The following MTFR1L variants were observed in gnomAD, a reference collection of about 807,000 sequenced individuals.
MTFR1L encodes the protein mitochondrial fission regulator 1 like, also known as mitochondrial fission regulator 1-like.
Under a neutral mutation model 27.9 loss-of-function variants are expected in MTFR1L, and 10 were observed. That is an observed-to-expected ratio of 0.36 (90% CI 0.22 to 0.61). MTFR1L has a LOEUF of 0.61. Ranked by LOEUF, MTFR1L falls within the 20% of genes least tolerant of loss-of-function variation. The pLI, the probability that MTFR1L is intolerant of heterozygous loss-of-function variation, is 0.73. For missense variants in MTFR1L, 315 were observed against 363.7 expected, an observed-to-expected ratio of 0.87 and a Z score of 1.09; for synonymous variants, 151 against 139.4, an observed-to-expected ratio of 1.08 and a Z score of -0.58.
chr1:25,828,845 C>T (rs1302001360), intron 5 of MTFR1L, among the ~76,000 whole-genome samples: 1 of 152,136 alleles, frequency 6.6e-6, no homozygotes, highest in Non-Finnish European at 1.5e-5. Context: ...TTGAAATCTT[C>T]ATGTATTTAA....
At chr1:25,830,411 T>C (rs1811819) in intron 6 of MTFR1L, among the ~76,000 whole-genome samples, 109,353 of 152,194 alleles carry the variant, frequency 0.72, 40,836 homozygotes, top group East Asian at 0.97. Context: ...CTTACTAAAG[T>C]AGAACCCCAA....
intron 1 of MTFR1L, among the ~76,000 whole-genome samples, chr1:25,821,263 C>G (rs879746749): frequency 6.6e-5 from 10 of 152,184 alleles, no homozygotes; most frequent in African/African-American, 1.7e-4. Context: ...CCGGCTGGGT[C>G]TTTGGAGGTA....
At chr1:25,827,366 C>T (rs981931372) in intron 5 of MTFR1L, among the ~76,000 whole-genome samples, 1 of 151,980 alleles carries the variant, frequency 6.6e-6, no homozygotes, top group African/African-American at 2.4e-5. Flanking sequence ...GTATTCCTGA[C>T]CTCAGATGAC....
chr1:25,826,276 T>G lies in MTFR1L; in HGVS notation c.130-26T>G. ...ATTGGCTCATCATGGCATCTGTAAA[T>G]GTTGATGACTTTTGCTTCTCCATAG... On this transcript the variant is annotated intron_variant, in intron 3 of 6. Coordinates refer to ENST00000374303, the MANE Select transcript of MTFR1L (RefSeq NM_001099625.2). The surrounding 1 kb of genome is among the most constrained non-coding windows in gnomAD (Gnocchi z 4.1). The G allele has an allele frequency of 6.2e-7, 1 of 1,600,856 alleles. No homozygotes were observed. The highest frequency in any genetic ancestry group is 8.6e-7 in the Non-Finnish European group (1 of 1,168,350).
intron 3 of MTFR1L, among the ~76,000 whole-genome samples, chr1:25,824,609 G>A (rs1279991472): frequency 6.6e-6 from 1 of 152,170 alleles, no homozygotes; most frequent in Admixed American, 6.5e-5. Context: ...ACTGGATCTG[G>A]AATTAGAAGA....
rs892924092 is a variant in MTFR1L at position 25,822,777 on chromosome 1, C to T, written c.-86-242C>T. On this transcript the variant is annotated intron_variant, in intron 1 of 6. Transcript: ENST00000374303. ...TCCTGACCTCGTGATCCGCCCACCT[C>T]GGCCTCCCAAAGTGCTGGGATTACA... 1.9e-4 allele frequency: 112 copies of T among 586,250 alleles called. 3 individuals carry two copies. The highest frequency in any genetic ancestry group is 9.5e-4 in the African/African-American group (50 of 52,516). 36.3% of individuals were successfully genotyped at this position (586,250 alleles called of 1,614,324 possible). A position where few individuals can be genotyped will look rare whatever the true frequency, so the allele number is the denominator to read the frequency against.
chr1:25,823,007 G>T lies in MTFR1L; in HGVS notation c.-86-12G>T. 1 of 1,609,140 alleles carries T rather than the reference G, an allele frequency of 6.2e-7. No homozygotes were observed. On this transcript the variant is annotated splice_polypyrimidine_tract_variant and intron_variant, in intron 1 of 6. Transcript: ENST00000374303. The stretch of plus-strand genomic sequence containing the variant: ...GGTTGTTTCACAAGAGGGAAATCTG[G>T]TGCTCCTCCAGATGGCCTGATATGA...
At chr1:25,829,373 TACCATCC>T in intron 5 of MTFR1L, 129 bp from the exon 6 acceptor site, 1 of 783,830 alleles carries the variant, frequency 1.3e-6, no homozygotes, top group African/African-American at 1.7e-5. Context: ...TGGCTACAGA[TACCATCC>T]TGGCTCTCCC....
chr1:25,825,689 T>C (rs2048157830), intron 3 of MTFR1L: 1 of 152,256 alleles, frequency 6.6e-6, no homozygotes, highest in Non-Finnish European at 1.5e-5. Context: ...AAATTTCCTA[T>C]TGCTGTAACA....
In MTFR1L at chr1:25,819,996, G is replaced by A; in HGVS notation, c.-120G>A. ...GCGGCCCAAGGTGGAAGGAGGGGCC[G>A]TGAGGTGAGAGAGTCCGGGAGCCCG... On this transcript the variant is annotated 5_prime_UTR_variant, in exon 1 of 7. It adds an upstream start codon to the 5' untranslated region. Coordinates refer to ENST00000374303, the MANE Select transcript of MTFR1L (RefSeq NM_001099625.2). 2.9e-6 allele frequency: 1 copy of A among 341,000 alleles called. No homozygotes were observed. The highest frequency in any genetic ancestry group is 5.7e-6 in the Non-Finnish European group (1 of 176,876). 21.1% of individuals were successfully genotyped at this position (341,000 alleles called of 1,614,324 possible).
chr1:25,821,544 A>G (rs1241556700), intron 1 of MTFR1L: 1 of 152,284 alleles, frequency 6.6e-6, no homozygotes, highest in Non-Finnish European at 1.5e-5. Context: ...CTCGTCTCCC[A>G]AGGGTAGAAG....
intron 6 of MTFR1L, 82 bp from the exon 7 acceptor site, chr1:25,831,839 G>A: frequency 5.3e-6 from 6 of 1,126,220 alleles, no homozygotes; most frequent in Non-Finnish European, 8.1e-6. Context: ...TTGTTGTGAG[G>A]ATTCAACGAG....
intron 1 of MTFR1L, chr1:25,820,371 G>C (rs1306606054): frequency 2.2e-6 from 1 of 454,766 alleles, no homozygotes; most frequent in Non-Finnish European, 4.4e-6. Flanking sequence ...GTGGGTCCAA[G>C]GGCCGCTGGG....
Position 25,826,713 on chromosome 1 carries a change from G to A in MTFR1L, c.338G>A (p.Arg113Lys), listed in dbSNP as rs202216681. Reference sequence around the variant, plus strand: ...CCCAACCTGCGTGGGTCCGAGGAGAGGCTTCTGGCCCTGAAGAAGCCAGCT... The same window carrying A: ...CCCAACCTGCGTGGGTCCGAGGAGAAGCTTCTGGCCCTGAAGAAGCCAGCT... ...SVPNLRGSEE[R>K]LLALKKPALP... The change falls in exon 5 of 7, where the codon AGG (arginine) becomes AAG (lysine). Residue 113 changes from arginine (R) to lysine (K), a missense_variant. Physicochemically the swap from Arg to Lys is conservative, Grantham distance 26. Transcript: ENST00000374303. The surrounding 1 kb of genome is among the most constrained non-coding windows in gnomAD (Gnocchi z 4.1). The A allele has an allele frequency of 1.1e-4, 171 of 1,614,150 alleles. No individual in the cohort carries two copies. The Middle Eastern group carries it at 1.6e-3, about 16-fold the overall frequency.
chr1:25,826,675 C>G lies in MTFR1L; in HGVS notation c.300C>G (p.Arg100=). 6.2e-7 allele frequency: 1 copy of G among 1,614,220 alleles called. No homozygotes were observed. Among genetic ancestry groups the G allele is most frequent in the Non-Finnish European group, 8.5e-7 (1 of 1,180,050 alleles). ...WKPSPLIVMQ[R]NASVPNLRGS... The stretch of plus-strand genomic sequence containing the variant: ...CCAGCCCTCTGATTGTCATGCAGCG[C>G]AATGCCTCTGTTCCCAACCTGCGTG... The change falls in exon 5 of 7, where the codon CGC becomes CGG. Residue 100 remains arginine, a synonymous_variant. Coordinates refer to ENST00000374303, the MANE Select transcript of MTFR1L (RefSeq NM_001099625.2). The surrounding 1 kb of genome is among the most constrained non-coding windows in gnomAD (Gnocchi z 4.1).
chr1:25,821,058 G>A, intron 1 of MTFR1L: 1 of 271,360 alleles, frequency 3.7e-6, no homozygotes, highest in Non-Finnish European at 7.1e-6. Flanking sequence ...AAGGGGGAGA[G>A]CAGGAGGGCT....
In MTFR1L at chr1:25,829,751, T is replaced by C. The variant is rs1404660700; in HGVS notation, c.694T>C (p.Ser232Pro). ...TTCGTCTGAAGAGGATGACTGCGTC[T>C]CTTTGTCCAAGGCCAGCAGCTTTGC... ...CSSSEEDDCV[S>P]LSKASSFADM... The change falls in exon 6 of 7, where the codon TCT (serine) becomes CCT (proline). Residue 232 changes from serine (S) to proline (P), a missense_variant. Physicochemically the swap from Ser to Pro is moderately conservative, Grantham distance 74. Coordinates refer to ENST00000374303, the MANE Select transcript of MTFR1L (RefSeq NM_001099625.2). 2 of 1,613,118 alleles carry C rather than the reference T, an allele frequency of 1.2e-6. No homozygotes were observed. Among genetic ancestry groups the C allele is most frequent in the Admixed American group, 3.3e-5 (2 of 60,024 alleles).
At chr1:25,820,197 C>T in intron 1 of MTFR1L, 168 bp downstream of exon 1, 2 of 453,796 alleles carry the variant, frequency 4.4e-6, no homozygotes, top group Non-Finnish European at 4.4e-6. Context: ...GAAACTGAGT[C>T]CCCGAAGGGT....
intron 6 of MTFR1L, 92 bp from the exon 7 acceptor site, chr1:25,831,829 T>G: frequency 2.8e-6 from 3 of 1,062,432 alleles, no homozygotes; most frequent in Non-Finnish European, 4.4e-6. Context: ...CCTCGTAAGA[T>G]TGTTGTGAGG....
Sources: allele counts gnomAD v4.1 joint callset (sites outside exome capture counted in the v4.1 genomes callset), GRCh38; gene constraint gnomAD v4.1.1; non-coding constraint Gnocchi (gnomAD v3.1); transcripts MANE v1.5; gene names NCBI Gene and HGNC (gene_info 2026-07-23, HGNC 2026-07-21).